Variants in AHI1 observed in about 807,000 individuals in gnomAD.
The protein encoded by AHI1 is Abelson helper integration site 1, also known as jouberin.
Under a neutral mutation model 149.3 loss-of-function variants are expected in AHI1, and 123 were observed. The ratio of observed to expected loss-of-function variants is 0.82; its 90% CI spans 0.71 to 0.96. The LOEUF (loss-of-function observed/expected upper bound fraction) is 0.96, where lower values mean the gene tolerates loss of function less well. Among genes scored for constraint, AHI1 ranks in the 40% least tolerant of loss-of-function variants. The pLI, the probability that AHI1 is intolerant of heterozygous loss-of-function variation, is 0.00. For synonymous variants in AHI1, 475 were observed against 459.8 expected, an observed-to-expected ratio of 1.03 and a Z score of -0.42; for missense variants, 1,439 against 1,422.7, an observed-to-expected ratio of 1.01 and a Z score of -0.18.
At chr6:135,379,754 A>C (rs1776426934) in intron 23 of AHI1, among the ~76,000 whole-genome samples, 1 of 151,998 alleles carries the variant, frequency 6.6e-6, no homozygotes, top group African/African-American at 2.4e-5. Context: ...TGTTCCCTCC[A>C]ATCTAGCTAT....
At chr6:135,382,893 G>T (rs370324200) in intron 23 of AHI1, among the ~76,000 whole-genome samples, 883 of 7,228 alleles carry the variant, frequency 0.12, 8 homozygotes, top group Non-Finnish European at 0.17. Flanking sequence ...AGCAAAATTA[G>T]TAAAAAAAAA....
chr6:135,493,017 G>A (rs1795474205), intron 3 of AHI1: 1 of 957,588 alleles, frequency 1.0e-6, no homozygotes, highest in African/African-American at 1.8e-5. Context: ...TTATTGATTT[G>A]TTTGTTTTTG....
In AHI1 at chr6:135,358,202, C is replaced by A; in HGVS notation, c.3110-15G>T. The A allele has an allele frequency of 1.2e-6, 2 of 1,608,048 alleles. No homozygotes were observed. On this transcript the variant is annotated splice_polypyrimidine_tract_variant and intron_variant, in intron 23 of 28. Coordinates refer to ENST00000265602, the MANE Select transcript of AHI1 (RefSeq NM_001134831.2). ...GCTGATAATCCCTGTGGAAAGAAAA[C>A]ATTGTGAGTATTTGGTTATTAAGCC... is the stretch of plus-strand genomic sequence containing the variant.
chr6:135,394,867 TG>T lies in AHI1; in HGVS notation c.3017del (p.Pro1006HisfsTer11). 6.2e-7 allele frequency: 1 copy of T among 1,602,812 alleles called. No individual in the cohort carries two copies. Among genetic ancestry groups the T allele is most frequent in the Non-Finnish European group, 8.5e-7 (1 of 1,173,860 alleles). On this transcript the variant is annotated frameshift_variant, in exon 23 of 29. Coordinates refer to ENST00000265602, the MANE Select transcript of AHI1 (RefSeq NM_001134831.2). LOFTEE classifies it high-confidence loss of function. ...TAGACTGTTGTGAGGAAACTGCTGG[TG>T]GTGAAGTAAATGAGAGATTTTTGTT... ...KVNKNLSFTS[P>X]PAVSSQQSKL... is the part of the protein sequence containing the mutation.
chr6:135,305,195 A>T (rs1206021838), intron 26 of AHI1: 1 of 152,176 alleles, frequency 6.6e-6, no homozygotes, highest in Non-Finnish European at 1.5e-5. Context: ...CTAAAAAAAA[A>T]TGGCATTCCT....
At chr6:135,380,043 C>G (rs1776503939) in intron 23 of AHI1, among the ~76,000 whole-genome samples, 1 of 146,568 alleles carries the variant, frequency 6.8e-6, no homozygotes, top group African/African-American at 2.5e-5. Flanking sequence ...TCCCTCCCTC[C>G]CTCTCTTTCT....
intron 20 of AHI1, among the ~76,000 whole-genome samples, chr6:135,419,004 A>C (rs1188576885): frequency 6.8e-6 from 1 of 148,130 alleles, no homozygotes; most frequent in African/African-American, 2.5e-5. Flanking sequence ...GCTAATCTTG[A>C]GATACTGAGG....
At chr6:135,323,047 T>C (rs1228127925) in intron 25 of AHI1, 115 bp downstream of exon 25, 14 of 1,124,312 alleles carry the variant, frequency 1.2e-5, no homozygotes, top group Non-Finnish European at 2.4e-6. Flanking sequence ...ACAATACCCA[T>C]TGGTAAACAT....
intron 5 of AHI1, among the ~76,000 whole-genome samples, chr6:135,479,096 T>C (rs1793183195): frequency 6.6e-6 from 1 of 152,246 alleles, no homozygotes; most frequent in Non-Finnish European, 1.5e-5. Flanking sequence ...AGAAGTCCAC[T>C]GCAGGGGTGG....
chr6:135,415,932 T>C (rs1782310512), intron 20 of AHI1, among the ~76,000 whole-genome samples: 1 of 152,188 alleles, frequency 6.6e-6, no homozygotes, highest in Non-Finnish European at 1.5e-5. Context: ...CAGTTTCACT[T>C]ATATACAATT....
intron 23 of AHI1, among the ~76,000 whole-genome samples, chr6:135,376,921 A>AAG (rs1776025303): frequency 7.8e-6 from 1 of 128,690 alleles, no homozygotes; most frequent in African/African-American, 2.9e-5. Flanking sequence ...AAAAAAAAAA[A>AAG]GTTGGTCCAG....
At chr6:135,398,686 C>T (rs552663498) in intron 22 of AHI1, among the ~76,000 whole-genome samples, 2 of 152,296 alleles carry the variant, frequency 1.3e-5, no homozygotes, top group South Asian at 2.1e-4. Context: ...AAAACCTTTA[C>T]CTCCTTTTCT....
At chr6:135,374,409 G>A (rs115527628) in intron 23 of AHI1, among the ~76,000 whole-genome samples, 2,004 of 152,076 alleles carry the variant, frequency 0.013, 38 homozygotes, top group African/African-American at 0.046. Context: ...ACCGCGCTCG[G>A]CCCTTTTCTG....
intron 21 of AHI1, among the ~76,000 whole-genome samples, chr6:135,405,527 T>C (rs1046474678): frequency 2.6e-5 from 4 of 152,116 alleles, no homozygotes; most frequent in Admixed American, 2.0e-4. Flanking sequence ...CGATGTATTA[T>C]GGACAATTTG....
At chr6:135,328,714 T>C (rs191861412) in intron 24 of AHI1, among the ~76,000 whole-genome samples, 5 of 152,232 alleles carry the variant, frequency 3.3e-5, no homozygotes, top group Admixed American at 6.5e-5. Flanking sequence ...TCCTTCATTT[T>C]AAATAAAAAA....
rs1782228443 is a variant in AHI1, at chr6:135,415,432, A to G, written c.2765-3888T>C. On this transcript the variant is annotated intron_variant, in intron 20 of 28. Coordinates refer to ENST00000265602, the MANE Select transcript of AHI1 (RefSeq NM_001134831.2). The stretch of plus-strand genomic sequence containing the variant: ...TGAACTAGTTTACAGTCCCACCAAC[A>G]GTGTAAAAGTGTTCCTATTTCTCCA... Among the ~76,000 whole-genome samples the G allele has an allele frequency of 2.0e-5, 3 of 152,190 alleles. 1 individual carries two copies. The South Asian group carries it at 6.2e-4, about 32-fold the overall frequency.
intron 24 of AHI1, among the ~76,000 whole-genome samples, chr6:135,357,555 G>A (rs544537079): frequency 3.3e-4 from 51 of 152,294 alleles, no homozygotes; most frequent in Middle Eastern, 6.8e-3. Context: ...ACTTATGAAT[G>A]CAAAGGATAA....
intron 21 of AHI1, among the ~76,000 whole-genome samples, chr6:135,410,779 A>G (rs1562700709): frequency 6.6e-6 from 1 of 152,220 alleles, no homozygotes; most frequent in Non-Finnish European, 1.5e-5. Context: ...TACTGAGAAC[A>G]CACTCTAAAT....
Position 135,394,904 on chromosome 6 carries a change from AG to A in AHI1, c.2989-9del. On this transcript the variant is annotated splice_polypyrimidine_tract_variant and intron_variant, in intron 22 of 28. Coordinates refer to ENST00000265602, the MANE Select transcript of AHI1 (RefSeq NM_001134831.2). ...TGAGAGATTTTTGTTGACCTGTATTAGGAAAACAAATCAGAAACTACAGTGT... is the reference window on the plus strand; with the variant it reads ...TGAGAGATTTTTGTTGACCTGTATTAGAAAACAAATCAGAAACTACAGTGT... 6.3e-7 allele frequency: 1 copy of A among 1,588,888 alleles called. No individual in the cohort carries two copies. Among genetic ancestry groups the A allele is most frequent in the Non-Finnish European group, 8.6e-7 (1 of 1,166,068 alleles).
Sources: allele counts gnomAD v4.1 joint callset (sites outside exome capture counted in the v4.1 genomes callset), GRCh38; gene constraint gnomAD v4.1.1; transcripts MANE v1.5; gene names NCBI Gene and HGNC (gene_info 2026-07-23, HGNC 2026-07-21).